GPC3: variants seen among roughly 807,000 people sequenced by gnomAD.
The protein encoded by GPC3 is glypican-3.
In GPC3, 3 loss-of-function variants were observed where a neutral mutation model predicts 34.4. The observed-to-expected ratio is 0.09, with a 90% CI of 0.04 to 0.23. The LOEUF (loss-of-function observed/expected upper bound fraction) is 0.23, where lower values mean the gene tolerates loss of function less well. Among genes scored for constraint, GPC3 ranks in the 10% least tolerant of loss-of-function variants. GPC3 has a pLI of 1.00. For missense variants in GPC3, 351 were observed against 445.6 expected (o/e 0.79, Z 1.91); for synonymous variants, 177 against 174.0 (o/e 1.02, Z -0.13).
chrX:133,790,446 A>G (rs1300411181), intron 2 of GPC3, among the ~76,000 whole-genome samples: 2 of 111,219 alleles, frequency 1.8e-5, no homozygotes, highest in Non-Finnish European at 3.8e-5. Context: ...TCATTTTTTG[A>G]TTGTCACATG....
intron 2 of GPC3, among the ~76,000 whole-genome samples, chrX:133,815,790 C>T (rs2075688817): frequency 9.0e-6 from 1 of 111,697 alleles, no homozygotes; most frequent in Non-Finnish European, 1.9e-5. Flanking sequence ...ACGTTCTTGC[C>T]TCAGTAGTTG....
intron 1 of GPC3, among the ~76,000 whole-genome samples, chrX:133,963,867 A>G (rs1486886134): frequency 2.7e-5 from 3 of 111,922 alleles, no homozygotes; most frequent in African/African-American, 9.7e-5. Context: ...TTAGTCAACA[A>G]TGACAGCCTA....
intron 5 of GPC3, among the ~76,000 whole-genome samples, chrX:133,689,199 A>G (rs914162595): frequency 2.7e-5 from 3 of 111,132 alleles, no homozygotes; most frequent in African/African-American, 9.8e-5. Flanking sequence ...CGTTTTGAAA[A>G]TAAAGATTTT....
intron 2 of GPC3, among the ~76,000 whole-genome samples, chrX:133,840,835 C>G (rs2075820807): frequency 9.0e-6 from 1 of 110,791 alleles, no homozygotes; most frequent in Non-Finnish European, 1.9e-5. Context: ...AAAGGTAGAG[C>G]TTTGTTTCCA....
At chrX:133,965,686 G>A (rs1379580831) in intron 1 of GPC3, among the ~76,000 whole-genome samples, 4 of 111,795 alleles carry the variant, frequency 3.6e-5, no homozygotes, top group Non-Finnish European at 7.5e-5. Flanking sequence ...GCAGCCCTAG[G>A]AAACTAATAC....
At chrX:133,660,840 A>G (rs980139331) in intron 6 of GPC3, among the ~76,000 whole-genome samples, 1 of 112,051 alleles carries the variant, frequency 8.9e-6, no homozygotes, top group Non-Finnish European at 1.9e-5. Context: ...AATACTCAAC[A>G]GAATATTATG....
chrX:133,721,108 G>GAA (rs372717148), intron 3 of GPC3, among the ~76,000 whole-genome samples: 2 of 97,270 alleles, frequency 2.1e-5, no homozygotes, highest in African/African-American at 7.3e-5. Context: ...TAAGAAACTA[G>GAA]AAAAAAAAAA....
At chrX:133,872,435 C>T (rs937270914) in intron 2 of GPC3, among the ~76,000 whole-genome samples, 5 of 111,596 alleles carry the variant, frequency 4.5e-5, no homozygotes, top group South Asian at 3.8e-4. Flanking sequence ...GTGTAACTTA[C>T]GGTCCTGTGG....
At chrX:133,738,499 T>C (rs1032867533) in intron 3 of GPC3, among the ~76,000 whole-genome samples, 2 of 112,175 alleles carry the variant, frequency 1.8e-5, no homozygotes, top group Admixed American at 1.9e-4. Context: ...CAAGGAGATA[T>C]CATTAAATTA....
chrX:133,544,542 C>T (rs2069366858), intron 7 of GPC3, among the ~76,000 whole-genome samples: 1 of 111,393 alleles, frequency 9.0e-6, no homozygotes, highest in South Asian at 3.8e-4. Flanking sequence ...TACATACTTA[C>T]TATTTATAGA....
chrX:133,928,768 T>G (rs146210417), intron 2 of GPC3, among the ~76,000 whole-genome samples: 5,007 of 111,966 alleles, frequency 0.045, 117 homozygotes, highest in East Asian at 0.097. Flanking sequence ...CTTTGCCCAT[T>G]TTTAAATCAA....
At chrX:133,810,720 A>T (rs190629873) in intron 2 of GPC3, among the ~76,000 whole-genome samples, 59 of 109,514 alleles carry the variant, frequency 5.4e-4, no homozygotes, top group African/African-American at 1.9e-3. Context: ...CCTGGCTAAC[A>T]GAGCGAAACC....
At chrX:133,975,203 A>C (rs2076509958) in intron 1 of GPC3, among the ~76,000 whole-genome samples, 1 of 111,671 alleles carries the variant, frequency 9.0e-6, no homozygotes. Context: ...CTCACTCTCC[A>C]GTCATCCTCC....
chrX:133,547,645 T>C (rs1256862628), intron 7 of GPC3, among the ~76,000 whole-genome samples: 2 of 110,969 alleles, frequency 1.8e-5, no homozygotes, highest in Non-Finnish European at 3.8e-5. Flanking sequence ...AATCTGAGGC[T>C]GCATTATTAT....
chrX:133,622,584 C>A lies in GPC3; in HGVS notation c.1414-25985G>T, dbSNP rs751751762. Among the ~76,000 whole-genome samples, 193 of 111,508 alleles carry A rather than the reference C, an allele frequency of 1.7e-3. 1 individual carries two copies. The highest frequency in any genetic ancestry group is 6.0e-3 in the African/African-American group (185 of 30,648). ...AGAAAGGGTATCAGTGACTGAAGAT[C>A]AAATGAATGAAATGAAGCGAGAAGT... On this transcript the variant is annotated intron_variant, in intron 6 of 7. Transcript: ENST00000370818.
At chrX:133,560,521 C>T (rs1221850781) in intron 7 of GPC3, among the ~76,000 whole-genome samples, 1 of 112,199 alleles carries the variant, frequency 8.9e-6, no homozygotes, top group African/African-American at 3.2e-5. Context: ...GGTGGATCAC[C>T]TGAGGTCAGG....
chrX:133,702,074 A>C (rs768896200), intron 3 of GPC3, among the ~76,000 whole-genome samples: 3 of 112,308 alleles, frequency 2.7e-5, no homozygotes, highest in Admixed American at 1.9e-4. Flanking sequence ...TATTAACTTC[A>C]AACGAAGCGT....
rs374287128 is a variant in GPC3 at position 133,650,336 on chromosome X, G to A, written c.1413+11394C>T. Among the ~76,000 whole-genome samples, 7 of 110,094 alleles carry A rather than the reference G, an allele frequency of 6.4e-5. No individual in the cohort carries two copies. In the East Asian group the frequency reaches 2.0e-3, roughly 32 times the overall value. On this transcript the variant is annotated intron_variant, in intron 6 of 7. Coordinates refer to ENST00000370818, the MANE Select transcript of GPC3 (RefSeq NM_004484.4). ...TTAAAATGGGACTTCTGGATCATGT[G>A]GTAAAATCTCTAAGCTGTACTCCAA...
chrX:133,785,297 C>T (rs2072090006), intron 2 of GPC3, among the ~76,000 whole-genome samples: 1 of 111,116 alleles, frequency 9.0e-6, no homozygotes, highest in African/African-American at 3.3e-5. Flanking sequence ...AAGCAGTATA[C>T]CTGAGTAGAC....
Sources: gnomAD v4.1 joint callset for allele counts (sites outside exome capture counted in the v4.1 genomes callset) on GRCh38, gnomAD v4.1.1 for gene constraint, MANE v1.5 for transcripts, NCBI Gene and HGNC (gene_info 2026-07-23, HGNC 2026-07-21) for gene names.